Variants in VEGFC observed in about 807,000 individuals in gnomAD.
The protein encoded by VEGFC is vascular endothelial growth factor C, also known as FLT4 ligand DHM.
Under a neutral mutation model 46.1 loss-of-function variants are expected in VEGFC, and 12 were observed. That is an observed-to-expected ratio of 0.26 (90% confidence interval 0.17 to 0.42). The LOEUF (loss-of-function observed/expected upper bound fraction) is 0.42. VEGFC is among the 10% of genes least tolerant of loss of function. The probability of loss-of-function intolerance (pLI) is 1.00; values close to 1 mark genes in which losing one functional copy is unlikely to be tolerated. For missense variants in VEGFC, 488 were observed against 529.4 expected (o/e 0.92, Z 0.77); for synonymous variants, 232 against 195.5 (o/e 1.19, Z -1.56).
At chr4:176,725,953 A>T (rs1223050681) in intron 3 of VEGFC, among the ~76,000 whole-genome samples, 1 of 152,128 alleles carries the variant, frequency 6.6e-6, no homozygotes, top group Admixed American at 6.6e-5. Context: ...TAAAATTTAG[A>T]GGATCTTAAA....
intron 3 of VEGFC, among the ~76,000 whole-genome samples, chr4:176,721,704 G>A (rs966971343): frequency 1.6e-4 from 25 of 152,162 alleles, no homozygotes; most frequent in African/African-American, 6.0e-4. Flanking sequence ...CAGAACACTG[G>A]AAAAAGAATA....
intron 1 of VEGFC, among the ~76,000 whole-genome samples, chr4:176,787,865 AT>A (rs1186438800): frequency 6.6e-6 from 1 of 151,856 alleles, no homozygotes; most frequent in Non-Finnish European, 1.5e-5. Flanking sequence ...GTTCTCTGCT[AT>A]ATCTGTTTTT....
At chr4:176,697,998 G>A (rs938063884) in intron 4 of VEGFC, among the ~76,000 whole-genome samples, 2 of 151,932 alleles carry the variant, frequency 1.3e-5, no homozygotes, top group Non-Finnish European at 2.9e-5. Flanking sequence ...GGTGGAGGGA[G>A]GGGGAGGGAT....
At chr4:176,691,521 T>C (rs1351324538) in intron 4 of VEGFC, among the ~76,000 whole-genome samples, 2 of 152,156 alleles carry the variant, frequency 1.3e-5, no homozygotes, top group Non-Finnish European at 2.9e-5. Context: ...GTATGAAGGA[T>C]AAAGATGCTT....
At chr4:176,737,949 GAACA>G (rs1735084412) in intron 1 of VEGFC, among the ~76,000 whole-genome samples, 2 of 151,618 alleles carry the variant, frequency 1.3e-5, no homozygotes, top group South Asian at 2.1e-4. Flanking sequence ...TAAACAAACT[GAACA>G]AACTGTCCTC....
intron 1 of VEGFC, among the ~76,000 whole-genome samples, chr4:176,784,370 T>G (rs1273134717): frequency 6.6e-6 from 1 of 151,932 alleles, no homozygotes; most frequent in African/African-American, 2.4e-5. Flanking sequence ...ACACCTGGCC[T>G]ATATACACAT....
chr4:176,775,843 A>G (rs537296631), intron 1 of VEGFC, among the ~76,000 whole-genome samples: 1 of 152,286 alleles, frequency 6.6e-6, no homozygotes, highest in South Asian at 2.1e-4. Flanking sequence ...ACCATTTCCC[A>G]AACAATCAGA....
At position 176,733,261 on chromosome 4, in the gene VEGFC, C is replaced by A. The variant is rs145248190; in HGVS notation, c.148-3515G>T. ...CTAAAATTTCAGTCCTGTATAGTATCTGTTTAGGTGAAACAAAAACTTATG... is the reference window on the plus strand; with the variant it reads ...CTAAAATTTCAGTCCTGTATAGTATATGTTTAGGTGAAACAAAAACTTATG... On this transcript the variant is annotated intron_variant, in intron 1 of 6. Transcript: ENST00000618562. Among the ~76,000 whole-genome samples the A allele has an allele frequency of 1.9e-3, 292 of 152,012 alleles. 3 individuals are homozygous for A. Among genetic ancestry groups the A allele is most frequent in the African/African-American group, 6.7e-3 (279 of 41,502 alleles).
chr4:176,773,206 C>T (rs112444959), intron 1 of VEGFC, among the ~76,000 whole-genome samples: 3 of 152,182 alleles, frequency 2.0e-5, no homozygotes, highest in South Asian at 4.1e-4. Context: ...CAACAATCAG[C>T]CATGTTGTGA....
intron 4 of VEGFC, among the ~76,000 whole-genome samples, chr4:176,701,145 C>G (rs1225399114): frequency 1.3e-5 from 2 of 152,140 alleles, no homozygotes. Context: ...TCAACTGTTA[C>G]AAATGTACCA....
chr4:176,781,485 C>T (rs989312456), intron 1 of VEGFC, among the ~76,000 whole-genome samples: 3 of 152,172 alleles, frequency 2.0e-5, no homozygotes, highest in African/African-American at 4.8e-5. Flanking sequence ...AATTAAATCA[C>T]AGTGATTTAA....
At chr4:176,727,449 A>G (rs1734889554) in intron 3 of VEGFC, among the ~76,000 whole-genome samples, 1 of 152,136 alleles carries the variant, frequency 6.6e-6, no homozygotes, top group African/African-American at 2.4e-5. Flanking sequence ...TGCCAAATGA[A>G]CATGTTTATT....
chr4:176,766,715 G>A (rs1340855484), intron 1 of VEGFC, among the ~76,000 whole-genome samples: 1 of 152,016 alleles, frequency 6.6e-6, no homozygotes, highest in Admixed American at 6.6e-5. Context: ...ATAGAGACAT[G>A]ATTTATTTAC....
At chr4:176,774,800 A>G (rs886744352) in intron 1 of VEGFC, among the ~76,000 whole-genome samples, 2 of 72,542 alleles carry the variant, frequency 2.8e-5, no homozygotes, top group African/African-American at 7.1e-5. Context: ...CCTAAAACTT[A>G]AAGTATAATA....
Position 176,792,808 on chromosome 4 carries a change from A to ATGGCGGCG in VEGFC, c.-498_-497insCGCCGCCA, listed in dbSNP as rs1553998667. Reference sequence around the variant, plus strand: ...TGGCGGCGGTGCCGGGGGCGGGAGGAGGGCGGCGGGGCGGCTGGCGGCGGC... The same window carrying ATGGCGGCG: ...TGGCGGCGGTGCCGGGGGCGGGAGGATGGCGGCGGGGCGGCGGGGCGGCTGGCGGCGGC... On this transcript the variant is annotated 5_prime_UTR_variant, in exon 1 of 7. It removes the in-frame stop codon of an upstream open reading frame in the 5' UTR. Transcript: ENST00000618562. The surrounding 1 kb of genome is among the most constrained non-coding windows in gnomAD (Gnocchi z 6.3). 7.0e-6 allele frequency: 1 copy of ATGGCGGCG among 143,264 alleles called. No individual in the cohort carries two copies. Among genetic ancestry groups the ATGGCGGCG allele is most frequent in the African/African-American group, 2.5e-5 (1 of 39,498 alleles). The allele number at this position is 143,264 out of a possible 1,614,324, so 8.9% of individuals were successfully genotyped here. A position where few individuals can be genotyped will look rare whatever the true frequency, so the allele number is the denominator to read the frequency against.
At chr4:176,734,976 G>C (rs1050520933) in intron 1 of VEGFC, among the ~76,000 whole-genome samples, 2 of 151,226 alleles carry the variant, frequency 1.3e-5, no homozygotes, top group African/African-American at 4.9e-5. Context: ...TCAATGACTG[G>C]CAAAGCAAAT....
At position 176,693,234 on chromosome 4, in the gene VEGFC, AT is replaced by A. The variant is rs1325879580; in HGVS notation, c.705-5308del. Reference sequence around the variant, plus strand: ...AAAGAAGTTGAAAACTTTGAAAAAAATTTAGAAGAATGTATAACTAGAATAA... The same window carrying A: ...AAAGAAGTTGAAAACTTTGAAAAAAATTAGAAGAATGTATAACTAGAATAA... On this transcript the variant is annotated intron_variant, in intron 4 of 6. Transcript: ENST00000618562. Among the ~76,000 whole-genome samples, 207 of 146,754 alleles carry A rather than the reference AT, an allele frequency of 1.4e-3. 1 individual carries two copies. Among genetic ancestry groups the A allele is most frequent in the African/African-American group, 5.1e-3 (197 of 38,590 alleles).
rs964686300 is a variant in VEGFC at position 176,741,790 on chromosome 4, A to C, written c.148-12044T>G. 3.3e-5 allele frequency among the ~76,000 whole-genome samples: 5 copies of C among 152,118 alleles called. No homozygotes were observed. The South Asian group carries it at 1.0e-3, about 32-fold the overall frequency. Reference sequence around the variant, plus strand: ...GAGATTCACATTATACAGTTTCTTGACATGTAACCAGATTTTGGAAGAAAA... The same window carrying C: ...GAGATTCACATTATACAGTTTCTTGCCATGTAACCAGATTTTGGAAGAAAA... On this transcript the variant is annotated intron_variant, in intron 1 of 6. Coordinates refer to ENST00000618562, the MANE Select transcript of VEGFC (RefSeq NM_005429.5).
intron 3 of VEGFC, among the ~76,000 whole-genome samples, chr4:176,724,493 T>C (rs1456070920): frequency 1.3e-5 from 2 of 152,204 alleles, no homozygotes; most frequent in African/African-American, 4.8e-5. Flanking sequence ...ATAAATACTA[T>C]TTTAAAAATA....
Sources: gnomAD v4.1 joint callset for allele counts (sites outside exome capture counted in the v4.1 genomes callset) on GRCh38, gnomAD v4.1.1 for gene constraint, Gnocchi (gnomAD v3.1) non-coding constraint, MANE v1.5 for transcripts, NCBI Gene and HGNC (gene_info 2026-07-23, HGNC 2026-07-21) for gene names.